PARD3: variants seen among roughly 807,000 people sequenced by gnomAD.
PARD3 encodes par-3 family cell polarity regulator, also known as partitioning defective 3 homolog.
In PARD3, 75 loss-of-function variants were observed where a neutral mutation model predicts 155.4. The observed-to-expected ratio is 0.48, with a 90% CI of 0.40 to 0.58. PARD3 has a LOEUF of 0.58. Ranked by LOEUF, PARD3 falls within the 20% of genes least tolerant of loss-of-function variation. PARD3 has a pLI of 0.00. For synonymous variants in PARD3, 576 were observed against 610.5 expected (o/e 0.94, Z 0.83); for missense variants, 1,642 against 1,721.7 (o/e 0.95, Z 0.82).
chr10:34,193,083 T>TG (rs1379056491), intron 22 of PARD3, among the ~76,000 whole-genome samples: 2 of 152,238 alleles, frequency 1.3e-5, no homozygotes, highest in Admixed American at 6.5e-5. Flanking sequence ...AAAACACCTT[T>TG]TGAATTAAAC....
At chr10:34,344,424 G>A (rs542626139) in intron 15 of PARD3, 21 of 497,162 alleles carry the variant, frequency 4.2e-5, no homozygotes, top group Middle Eastern at 1.0e-3. Context: ...GTGGGACTAC[G>A]GGTGTGCAAC....
At chr10:34,522,086 C>A (rs894648038) in intron 2 of PARD3, among the ~76,000 whole-genome samples, 11 of 152,156 alleles carry the variant, frequency 7.2e-5, no homozygotes, top group African/African-American at 2.7e-4. Flanking sequence ...AGGGACTTTG[C>A]AGACAGGATG....
intron 2 of PARD3, among the ~76,000 whole-genome samples, chr10:34,665,929 T>A (rs1035281738): frequency 5.9e-5 from 8 of 136,516 alleles, no homozygotes; most frequent in Non-Finnish European, 1.3e-4. Context: ...AAGAAAAGAT[T>A]AGATTCTAGG....
intron 4 of PARD3, among the ~76,000 whole-genome samples, chr10:34,465,895 T>A (rs911835055): frequency 3.9e-5 from 6 of 152,120 alleles, no homozygotes; most frequent in African/African-American, 1.5e-4. Context: ...TCACATGCTC[T>A]CCACAGACTA....
chr10:34,702,370 T>A (rs192943352), intron 1 of PARD3, among the ~76,000 whole-genome samples: 74 of 151,610 alleles, frequency 4.9e-4, no homozygotes, highest in African/African-American at 1.5e-3. Context: ...ATAATAATAA[T>A]AAAATTAAAA....
rs568803821 is a variant in PARD3, at chr10:34,166,337, G to A, written c.3420-34754C>T. On this transcript the variant is annotated intron_variant, in intron 22 of 24. Transcript: ENST00000374788. ...TGCATTAAAAAAAGCTCAGGCCTGG[G>A]CGAGGTGGCTCACACTTGTAATCCC... Among the ~76,000 whole-genome samples the A allele has an allele frequency of 2.3e-4, 35 of 152,180 alleles. No individual in the cohort carries two copies. In the South Asian group the frequency reaches 6.8e-3, roughly 30 times the overall value.
At chr10:34,379,274 G>A (rs1841579111) in intron 9 of PARD3, among the ~76,000 whole-genome samples, 1 of 152,088 alleles carries the variant, frequency 6.6e-6, no homozygotes, top group Admixed American at 6.6e-5. Context: ...AAACATTAAA[G>A]GAGAAATAAA....
chr10:34,166,400 G>A (rs928575248), intron 22 of PARD3, among the ~76,000 whole-genome samples: 2 of 151,984 alleles, frequency 1.3e-5, no homozygotes, highest in Admixed American at 1.3e-4. Flanking sequence ...ACTGCTTGAC[G>A]CCAGGAGTTC....
chr10:34,575,248 G>A (rs914722439), intron 2 of PARD3, among the ~76,000 whole-genome samples: 4 of 152,202 alleles, frequency 2.6e-5, no homozygotes, highest in Non-Finnish European at 4.4e-5. Flanking sequence ...TATATCTTAT[G>A]TGAGGCTTAA....
At chr10:34,635,562 A>G (rs1261952024) in intron 2 of PARD3, among the ~76,000 whole-genome samples, 1 of 152,148 alleles carries the variant, frequency 6.6e-6, no homozygotes, top group Non-Finnish European at 1.5e-5. Flanking sequence ...ACCCAGTACG[A>G]CTCAAATTTA....
At chr10:34,698,749 G>C (rs1253856765) in intron 1 of PARD3, among the ~76,000 whole-genome samples, 1 of 152,242 alleles carries the variant, frequency 6.6e-6, no homozygotes, top group Admixed American at 6.5e-5. Flanking sequence ...TCGTATGGAA[G>C]ATAGAGTCAG....
chr10:34,132,884 G>C lies in PARD3; in HGVS notation c.3420-1301C>G, dbSNP rs114070152. 5.9e-3 allele frequency among the ~76,000 whole-genome samples: 892 copies of C among 152,198 alleles called. 10 individuals are homozygous for C. The highest frequency in any genetic ancestry group is 0.021 in the African/African-American group (863 of 41,530). Reference sequence around the variant, plus strand: ...CAGACAAACAGAAGGGCAGAAGAGTGGCAGAATGGTGCGGCAGAGAAGGGA... The same window carrying C: ...CAGACAAACAGAAGGGCAGAAGAGTCGCAGAATGGTGCGGCAGAGAAGGGA... On this transcript the variant is annotated intron_variant, in intron 22 of 24. Transcript: ENST00000374788.
intron 2 of PARD3, among the ~76,000 whole-genome samples, chr10:34,596,976 G>A (rs192835184): frequency 2.0e-5 from 3 of 152,188 alleles, no homozygotes; most frequent in East Asian, 1.9e-4. Context: ...TTACACCCCC[G>A]TGCCAAAGAT....
intron 22 of PARD3, among the ~76,000 whole-genome samples, chr10:34,136,880 T>A (rs1947927063): frequency 6.6e-6 from 1 of 152,190 alleles, no homozygotes; most frequent in African/African-American, 2.4e-5. Context: ...TTTACCAGAA[T>A]CGGCATGTGT....
At chr10:34,371,218 T>C (rs1042606074) in intron 12 of PARD3, among the ~76,000 whole-genome samples, 6 of 151,994 alleles carry the variant, frequency 3.9e-5, no homozygotes, top group Non-Finnish European at 8.8e-5. Flanking sequence ...CAATTTCCCC[T>C]TATCTAACCT....
At chr10:34,350,337 T>C (rs1381252823) in intron 14 of PARD3, among the ~76,000 whole-genome samples, 1 of 152,136 alleles carries the variant, frequency 6.6e-6, no homozygotes, top group Non-Finnish European at 1.5e-5. Flanking sequence ...GCTCCTTATA[T>C]TAAAACCTTA....
At chr10:34,716,982 T>G (rs948083080) in intron 1 of PARD3, among the ~76,000 whole-genome samples, 17 of 152,136 alleles carry the variant, frequency 1.1e-4, no homozygotes, top group Non-Finnish European at 2.9e-5. Flanking sequence ...TTTTACCTCA[T>G]CAGATATTGT....
At chr10:34,621,187 T>C (rs987282492) in intron 2 of PARD3, among the ~76,000 whole-genome samples, 8 of 152,132 alleles carry the variant, frequency 5.3e-5, no homozygotes, top group Non-Finnish European at 7.4e-5. Flanking sequence ...TGTTTGTTTT[T>C]TGTTTTTGTT....
chr10:34,786,618 A>T (rs1275733011), intron 1 of PARD3, among the ~76,000 whole-genome samples: 2 of 152,162 alleles, frequency 1.3e-5, no homozygotes, highest in Non-Finnish European at 2.9e-5. Context: ...ACATCTGGGG[A>T]TTAGAAAGAA....
Sources: gnomAD v4.1 joint callset for allele counts (sites outside exome capture counted in the v4.1 genomes callset) on GRCh38, gnomAD v4.1.1 for gene constraint, MANE v1.5 for transcripts, NCBI Gene and HGNC (gene_info 2026-07-23, HGNC 2026-07-21) for gene names.